Variants in DACH2 observed in about 807,000 individuals in gnomAD.
DACH2 encodes dachshund family transcription factor 2.
Under a neutral mutation model 35.8 loss-of-function variants are expected in DACH2, and 17 were observed. The ratio of observed to expected loss-of-function variants is 0.48; its 90% CI spans 0.33 to 0.71. DACH2 has a LOEUF of 0.71. Among genes scored for constraint, DACH2 ranks in the 30% least tolerant of loss-of-function variants. DACH2 has a pLI of 0.02. For synonymous variants in DACH2, 195 were observed against 177.3 expected (o/e 1.10, Z -0.79); for missense variants, 469 against 472.7 (o/e 0.99, Z 0.07).
intron 1 of DACH2, among the ~76,000 whole-genome samples, chrX:86,365,246 G>T (rs2035790519): frequency 9.1e-6 from 1 of 110,309 alleles, no homozygotes; most frequent in Admixed American, 9.8e-5. Flanking sequence ...ACCTAATATA[G>T]AAGACAGTGT....
chrX:86,657,026 G>A lies in DACH2; in HGVS notation c.772+5859G>A, dbSNP rs1251175442. On this transcript the variant is annotated intron_variant, in intron 4 of 11. Transcript: ENST00000373125. ...AAACTTTGCATATTCTCACTTATTT[G>A]TGGGAGTTAAAATTAAAATGAGTGA... Among the ~76,000 whole-genome samples, 3 of 107,255 alleles carry A rather than the reference G, an allele frequency of 2.8e-5. No individual in the cohort carries two copies. The East Asian group carries it at 8.8e-4, about 31-fold the overall frequency. The allele number at this position is 107,255 out of a possible 115,157, so 93.1% of individuals were successfully genotyped here.
intron 1 of DACH2, among the ~76,000 whole-genome samples, chrX:86,247,192 C>G (rs2033303100): frequency 9.0e-6 from 1 of 110,887 alleles, no homozygotes; most frequent in South Asian, 3.8e-4. Context: ...CTGTGAAGTT[C>G]CTAACATCAC....
At chrX:86,700,624 G>C (rs1359941528) in intron 5 of DACH2, among the ~76,000 whole-genome samples, 1 of 107,899 alleles carries the variant, frequency 9.3e-6, no homozygotes, top group African/African-American at 3.4e-5. Flanking sequence ...ATACAAAAGA[G>C]AGAAAATCCA....
intron 4 of DACH2, among the ~76,000 whole-genome samples, chrX:86,657,020 T>TTA (rs2040550932): frequency 9.3e-6 from 1 of 107,004 alleles, no homozygotes; most frequent in African/African-American, 3.4e-5. Context: ...ATATTCTCAC[T>TTA]TATTTGTGGG....
rs1556004270 is a variant in DACH2 at position 86,254,781 on chromosome X, A to ATATATATATAT, written c.488+105673_488+105674insTATATATATAT. Among the ~76,000 whole-genome samples the ATATATATATAT allele has an allele frequency of 6.1e-3, 138 of 22,535 alleles. 6 individuals carry two copies. Among genetic ancestry groups the ATATATATATAT allele is most frequent in the East Asian group, 0.015 (9 of 619 alleles). 19.6% of individuals were successfully genotyped at this position (22,535 alleles called of 115,157 possible). ...GTGTGGGGTGTTATTCAAATAAATA[A>ATATATATATAT]ATATATATATATATATATATATATA... On this transcript the variant is annotated intron_variant, in intron 1 of 11. Transcript: ENST00000373125.
chrX:86,590,115 AG>A (rs1188945757), intron 3 of DACH2, among the ~76,000 whole-genome samples: 3 of 111,705 alleles, frequency 2.7e-5, no homozygotes, highest in Non-Finnish European at 3.8e-5. Context: ...CAGACCTCTG[AG>A]GAGGGATCAC....
intron 1 of DACH2, chrX:86,161,037 G>A: frequency 1.0e-6 from 1 of 997,549 alleles, no homozygotes; most frequent in Admixed American, 2.2e-5. Context: ...AGGCACGTTA[G>A]CAGTTGCCTC....
At chrX:86,615,581 TGTAAA>T (rs2039992571) in intron 3 of DACH2, among the ~76,000 whole-genome samples, 1 of 111,223 alleles carries the variant, frequency 9.0e-6, no homozygotes, top group Admixed American at 9.6e-5. Context: ...CCCCACAATT[TGTAAA>T]GTATAGTAAT....
chrX:86,786,841 C>T (rs2042141981), intron 7 of DACH2, among the ~76,000 whole-genome samples: 1 of 112,065 alleles, frequency 8.9e-6, no homozygotes, highest in Admixed American at 9.5e-5. Flanking sequence ...CAGATCTCAT[C>T]TTGAATCCCC....
At chrX:86,508,114 G>A (rs1342578078) in intron 2 of DACH2, among the ~76,000 whole-genome samples, 1 of 111,727 alleles carries the variant, frequency 9.0e-6, no homozygotes, top group African/African-American at 3.3e-5. Flanking sequence ...GTCCAAATGT[G>A]AATGTTAATT....
chrX:86,757,595 T>C (rs956736626), intron 7 of DACH2, among the ~76,000 whole-genome samples: 1 of 112,191 alleles, frequency 8.9e-6, no homozygotes. Flanking sequence ...TCCCATGTGT[T>C]GGAGAAGATG....
At chrX:86,814,055 G>A in intron 9 of DACH2, among the ~76,000 whole-genome samples, 1 of 110,847 alleles carries the variant, frequency 9.0e-6, no homozygotes, top group Middle Eastern at 4.7e-3. Flanking sequence ...TGTATATGCG[G>A]TCCATCATTG....
chrX:86,416,276 G>T (rs1356127740), intron 2 of DACH2, among the ~76,000 whole-genome samples: 2 of 112,015 alleles, frequency 1.8e-5, no homozygotes, highest in Non-Finnish European at 3.8e-5. Context: ...GGTTGGGTGG[G>T]AAGAATACAA....
chrX:86,185,971 C>A, intron 1 of DACH2, among the ~76,000 whole-genome samples: 2 of 112,180 alleles, frequency 1.8e-5, no homozygotes, highest in Non-Finnish European at 3.8e-5. Flanking sequence ...CCATTCATTG[C>A]TCAATTTAGT....
At chrX:86,774,315 A>T (rs1009786901) in intron 7 of DACH2, among the ~76,000 whole-genome samples, 1 of 112,065 alleles carries the variant, frequency 8.9e-6, no homozygotes, top group African/African-American at 3.2e-5. Context: ...TAAAACATGA[A>T]CATTAGTTTA....
chrX:86,476,298 G>A (rs1169971656), intron 2 of DACH2, among the ~76,000 whole-genome samples: 1 of 111,655 alleles, frequency 9.0e-6, no homozygotes, highest in Non-Finnish European at 1.9e-5. Context: ...AAGCCATCAG[G>A]TCCCTGGCTT....
chrX:86,459,740 T>A (rs2037535079), intron 2 of DACH2, among the ~76,000 whole-genome samples: 1 of 111,614 alleles, frequency 9.0e-6, no homozygotes, highest in African/African-American at 3.2e-5. Context: ...AAAATGTTAG[T>A]ACGTGTGCAG....
intron 3 of DACH2, among the ~76,000 whole-genome samples, chrX:86,591,586 G>T (rs1225625262): frequency 1.0e-5 from 1 of 100,125 alleles, no homozygotes; most frequent in Non-Finnish European, 2.0e-5. Context: ...CACCCAGGCT[G>T]GAGTGCAGTT....
At chrX:86,433,110 A>T (rs1407081799) in intron 2 of DACH2, among the ~76,000 whole-genome samples, 1 of 111,916 alleles carries the variant, frequency 8.9e-6, no homozygotes. Flanking sequence ...CTCTAGTGTT[A>T]TTTTAATAAT....
Sources: gnomAD v4.1 joint callset for allele counts (sites outside exome capture counted in the v4.1 genomes callset) on GRCh38, gnomAD v4.1.1 for gene constraint, MANE v1.5 for transcripts, NCBI Gene and HGNC (gene_info 2026-07-23, HGNC 2026-07-21) for gene names.